The following HHIPL1 variants were observed in gnomAD, a reference collection of about 807,000 sequenced individuals.
HHIPL1 encodes the protein HHIP-like protein 1.
A neutral mutation model predicts 61.8 loss-of-function variants in HHIPL1; 43 were observed. The observed-to-expected ratio is 0.70, with a 90% CI of 0.55 to 0.90. HHIPL1 has a LOEUF of 0.90. Among genes scored for constraint, HHIPL1 ranks in the 40% least tolerant of loss-of-function variants. The pLI is 0.00. For synonymous variants in HHIPL1, 482 were observed against 515.8 expected (o/e 0.93, Z 0.89); for missense variants, 1,056 against 1,157.7 (o/e 0.91, Z 1.28).
At chr14:99,663,598 C>T (rs917880675) in intron 6 of HHIPL1, among the ~76,000 whole-genome samples, 1 of 152,152 alleles carries the variant, frequency 6.6e-6, no homozygotes, top group African/African-American at 2.4e-5. Flanking sequence ...GACAGAATGC[C>T]TTAACTGTCT....
intron 6 of HHIPL1, among the ~76,000 whole-genome samples, chr14:99,665,482 C>A (rs924538939): frequency 6.6e-6 from 1 of 152,210 alleles, no homozygotes; most frequent in Non-Finnish European, 1.5e-5. Context: ...GCTCTGCTAT[C>A]CAGGCAGGAA....
At chr14:99,607,592 C>A in the HHIPL1 span, among the ~76,000 whole-genome samples, 4 of 152,234 alleles carry the variant, frequency 2.6e-5, no homozygotes, top group East Asian at 7.7e-4. Flanking sequence ...ACTCCAAAAC[C>A]TAGGGCCTGT....
At position 99,652,573 on chromosome 14, in the gene HHIPL1, C is replaced by A; in HGVS notation, c.605C>A (p.Ala202Asp). 6.2e-7 allele frequency: 1 copy of A among 1,612,980 alleles called. No individual in the cohort carries two copies. Among genetic ancestry groups the A allele is most frequent in the Non-Finnish European group, 8.5e-7 (1 of 1,179,916 alleles). Residue 202 changes from alanine (A) to aspartate (D), a missense_variant, in exon 2 of 9, where the codon GCC (alanine) becomes GAC (aspartate). Transcript: ENST00000330710. ...CGCAACCCCGTGGCCATGGTCCATG[C>A]CAGGGATGGCACCCACCGCTTCTTC... ...GLRNPVAMVH[A>D]RDGTHRFFVA...
chr14:99,651,567 C>T (rs553023974), intron 1 of HHIPL1, among the ~76,000 whole-genome samples: 2 of 152,166 alleles, frequency 1.3e-5, no homozygotes, highest in Non-Finnish European at 2.9e-5. Flanking sequence ...GAGAACTCCG[C>T]CCCGTGATCC....
At chr14:99,627,385 C>T in the HHIPL1 span, among the ~76,000 whole-genome samples, 43 of 152,300 alleles carry the variant, frequency 2.8e-4, 1 homozygote, top group African/African-American at 8.9e-4. The surrounding 1 kb of genome is among the most constrained non-coding windows in gnomAD (Gnocchi z 4.4). Context: ...TCCAACCATC[C>T]ATCCATCTGT....
rs145684298 is a variant in HHIPL1 at position 99,674,395 on chromosome 14, C to T, written c.1814-696C>T. 1.4e-3 allele frequency among the ~76,000 whole-genome samples: 217 copies of T among 152,120 alleles called. 2 individuals are homozygous for T. The highest frequency in any genetic ancestry group is 6.2e-3 in the East Asian group (32 of 5,160). Reference sequence around the variant, plus strand: ...CAAAGGAAATCACCTGCCTCAGCTCCCTAGCACCGACTGCACCCAGGCTCT... The same window carrying T: ...CAAAGGAAATCACCTGCCTCAGCTCTCTAGCACCGACTGCACCCAGGCTCT... On this transcript the variant is annotated intron_variant, in intron 8 of 8. Coordinates refer to ENST00000330710, the MANE Select transcript of HHIPL1 (RefSeq NM_001127258.3).
chr14:99,643,017 G>C (rs765362303), upstream of HHIPL1, among the ~76,000 whole-genome samples: 3 of 151,904 alleles, frequency 2.0e-5, no homozygotes, highest in Non-Finnish European at 4.4e-5. Context: ...GTCCCAGGCT[G>C]GCTCTGATGC....
the HHIPL1 span, among the ~76,000 whole-genome samples, chr14:99,623,306 G>A: frequency 5.3e-5 from 8 of 152,210 alleles, no homozygotes; most frequent in Non-Finnish European, 1.0e-4. Flanking sequence ...ATTCCTTAAG[G>A]TATGAGTCCA....
the HHIPL1 span, among the ~76,000 whole-genome samples, chr14:99,608,489 C>T: frequency 2.0e-3 from 309 of 152,268 alleles, 1 homozygote; most frequent in African/African-American, 7.1e-3. Flanking sequence ...TGGGCGTGAA[C>T]TTACAGGCAG....
Position 99,672,258 on chromosome 14 carries a change from G to A in HHIPL1, c.1731-59G>A, listed in dbSNP as rs2056333329. ...CATACCTGCCTCACTGTAGAGAAAA[G>A]GCACCCTCAGGGTGGGCTCCCAGGG... is the stretch of plus-strand genomic sequence containing the variant. On this transcript the variant is annotated intron_variant, in intron 7 of 8. Coordinates refer to ENST00000330710, the MANE Select transcript of HHIPL1 (RefSeq NM_001127258.3). The A allele has an allele frequency of 3.6e-6, 5 of 1,393,386 alleles. No homozygotes were observed. In the South Asian group the frequency reaches 6.2e-5, roughly 17 times the overall value. The allele number at this position is 1,393,386 out of a possible 1,614,324, so 86.3% of individuals were successfully genotyped here. A position where few individuals can be genotyped will look rare whatever the true frequency, so the allele number is the denominator to read the frequency against.
intron 5 of HHIPL1, 48 bp from the exon 6 acceptor site, chr14:99,662,828 C>T (rs762576581): frequency 1.3e-6 from 2 of 1,523,422 alleles, no homozygotes; most frequent in Non-Finnish European, 1.8e-6. Context: ...GGTAGGTTCC[C>T]CTGGGTGCCA....
At chr14:99,645,064 G>A (rs1301907707), upstream of HHIPL1, 1 of 653,786 alleles carries the variant, frequency 1.5e-6, no homozygotes, top group Non-Finnish European at 2.2e-6. Flanking sequence ...CCGACCAGAG[G>A]TGACCTCCTA....
chr14:99,625,437 A>AATT, the HHIPL1 span: 5 of 152,200 alleles, frequency 3.3e-5, no homozygotes, highest in Non-Finnish European at 7.3e-5. Flanking sequence ...TAGTTGTCGT[A>AATT]ATTATTATTA....
chr14:99,672,506 C>T (rs994561998), intron 8 of HHIPL1, 107 bp downstream of exon 8: 1 of 852,582 alleles, frequency 1.2e-6, no homozygotes, highest in African/African-American at 1.7e-5. Flanking sequence ...CCTAGATGCC[C>T]CTCTTCAGCC....
At chr14:99,656,844 G>A (rs371209711) in intron 2 of HHIPL1, among the ~76,000 whole-genome samples, 156 bp from the exon 3 acceptor site, 44 of 2,474 alleles carry the variant, frequency 0.018, 2 homozygotes, top group South Asian at 0.047. Flanking sequence ...AGAAAGGAAG[G>A]AAGGAAGGAA....
At chr14:99,620,286 A>C in the HHIPL1 span, among the ~76,000 whole-genome samples, 4 of 152,192 alleles carry the variant, frequency 2.6e-5, no homozygotes, top group Admixed American at 2.0e-4. Context: ...CTTGAAATCC[A>C]CTGGGCAGAT....
At chr14:99,634,723 T>C in the HHIPL1 span, among the ~76,000 whole-genome samples, 2 of 152,094 alleles carry the variant, frequency 1.3e-5, no homozygotes, top group Non-Finnish European at 2.9e-5. Flanking sequence ...GTTAGAAAGA[T>C]GGTGGATTTG....
the HHIPL1 span, among the ~76,000 whole-genome samples, chr14:99,628,123 C>T: frequency 3.9e-5 from 6 of 152,166 alleles, no homozygotes; most frequent in South Asian, 2.1e-4. Context: ...AGAGGTGAGA[C>T]CTGCCAAGGT....
chr14:99,630,367 G>A, the HHIPL1 span, among the ~76,000 whole-genome samples: 4 of 152,164 alleles, frequency 2.6e-5, no homozygotes, highest in Non-Finnish European at 5.9e-5. Context: ...CGCCTCCTCT[G>A]TCAGCCTTTA....
Sources: allele counts gnomAD v4.1 joint callset (sites outside exome capture counted in the v4.1 genomes callset), GRCh38; gene constraint gnomAD v4.1.1; non-coding constraint Gnocchi (gnomAD v3.1); transcripts MANE v1.5; gene names NCBI Gene and HGNC (gene_info 2026-07-23, HGNC 2026-07-21).